The following IQCJ variants were observed in gnomAD, a reference collection of about 807,000 sequenced individuals.
IQCJ encodes the protein IQ domain-containing protein J.
IQCJ carries 9 observed loss-of-function variants against 11.0 expected under a neutral mutation model. That is an observed-to-expected ratio of 0.82 (90% CI 0.49 to 1.43). IQCJ has a LOEUF of 1.43. Ranked by LOEUF, IQCJ falls within the 40% of genes most tolerant of loss-of-function variation. The pLI, the probability that IQCJ is intolerant of heterozygous loss-of-function variation, is 0.00. For missense variants in IQCJ, 146 were observed against 133.2 expected (o/e 1.10, Z -0.47); for synonymous variants, 55 against 51.3 (o/e 1.07, Z -0.31).
intron 1 of IQCJ, among the ~76,000 whole-genome samples, chr3:159,071,055 G>T (rs1262092257): frequency 6.6e-6 from 1 of 151,912 alleles, no homozygotes; most frequent in African/African-American, 2.4e-5. Flanking sequence ...ATTAAGGTCA[G>T]TGTGAAAGCT....
intron 1 of IQCJ, among the ~76,000 whole-genome samples, chr3:159,200,104 A>AATAAATATATATATATATAT (rs1553787480): frequency 1.7e-5 from 2 of 116,954 alleles, no homozygotes; most frequent in African/African-American, 7.6e-5. Context: ...TTTATACATA[A>AATAAATATATATATATATAT]ATATATATAT....
At chr3:159,173,174 G>A (rs1416363387) in intron 1 of IQCJ, among the ~76,000 whole-genome samples, 2 of 152,162 alleles carry the variant, frequency 1.3e-5, no homozygotes, top group Admixed American at 6.5e-5. Context: ...AGCAGACCTT[G>A]AATATCGCAC....
rs187707529 is a variant in IQCJ at position 159,263,090 on chromosome 3, T to C, written c.*359T>C. 100 of 995,144 alleles carry C rather than the reference T, an allele frequency of 1.0e-4. No homozygotes were observed. The Admixed American group carries it at 4.0e-3, about 40-fold the overall frequency. 61.6% of individuals were successfully genotyped at this position (995,144 alleles called of 1,614,324 possible). ...CTTTTACCAGAAGAATTGAAAGTGG[T>C]CACACACTCAGGGGTTGCAACTTAA... On this transcript the variant is annotated 3_prime_UTR_variant, in exon 4 of 4. Transcript: ENST00000397832.
At chr3:159,141,549 C>T (rs1577035799) in intron 1 of IQCJ, among the ~76,000 whole-genome samples, 2 of 152,306 alleles carry the variant, frequency 1.3e-5, no homozygotes, top group East Asian at 3.9e-4. Flanking sequence ...CAGCTTACAT[C>T]ATTTATAATA....
chr3:159,080,507 A>G (rs1716238204), intron 1 of IQCJ, among the ~76,000 whole-genome samples: 1 of 152,176 alleles, frequency 6.6e-6, no homozygotes, highest in Non-Finnish European at 1.5e-5. Flanking sequence ...CCGCTGTCAG[A>G]GTAATTCCTG....
chr3:159,110,133 T>C (rs529115442), intron 1 of IQCJ, among the ~76,000 whole-genome samples: 1 of 152,328 alleles, frequency 6.6e-6, no homozygotes, highest in African/African-American at 2.4e-5. Context: ...AGGTGGACAA[T>C]GTAGGCTTCA....
At chr3:159,254,195 A>C (rs1236999442) in intron 3 of IQCJ, among the ~76,000 whole-genome samples, 1 of 152,200 alleles carries the variant, frequency 6.6e-6, no homozygotes, top group Admixed American at 6.5e-5. Flanking sequence ...GGTGAAAGAA[A>C]AGTTGGTGTA....
chr3:159,257,864 C>T lies in IQCJ; in HGVS notation c.156-4684C>T, dbSNP rs144288401. Among the ~76,000 whole-genome samples the T allele has an allele frequency of 9.7e-3, 1,483 of 152,230 alleles. 15 individuals carry two copies. Among genetic ancestry groups the T allele is most frequent in the African/African-American group, 0.014 (590 of 41,532 alleles). ...TCTCTATTTCTGCCTTTTGCTGAAC[C>T]GTAAGGAGGGAACAAACGTAATGGG... On this transcript the variant is annotated intron_variant, in intron 3 of 3. Coordinates refer to ENST00000397832, the MANE Select transcript of IQCJ (RefSeq NM_001042706.3).
intron 1 of IQCJ, among the ~76,000 whole-genome samples, chr3:159,174,017 G>A (rs1391491569): frequency 6.6e-6 from 1 of 151,936 alleles, no homozygotes; most frequent in Non-Finnish European, 1.5e-5. Flanking sequence ...TGATCTGAGA[G>A]TTTCTCAGTT....
chr3:159,127,653 AT>A, intron 1 of IQCJ, among the ~76,000 whole-genome samples: 1 of 152,354 alleles, frequency 6.6e-6, no homozygotes, highest in Non-Finnish European at 1.5e-5. Context: ...AGCATAGTGC[AT>A]TTAGTCGTGT....
At chr3:159,107,593 C>T (rs1718343516) in intron 1 of IQCJ, among the ~76,000 whole-genome samples, 3 of 152,062 alleles carry the variant, frequency 2.0e-5, no homozygotes, top group South Asian at 2.1e-4. Context: ...AACGGTGTGG[C>T]TGAGTCTGAT....
chr3:159,125,802 T>G (rs1719646858), intron 1 of IQCJ, among the ~76,000 whole-genome samples: 1 of 152,224 alleles, frequency 6.6e-6, no homozygotes, highest in South Asian at 2.1e-4. Context: ...AATATGGAAC[T>G]GATTAATGGC....
At chr3:159,175,595 T>C (rs182833986) in intron 1 of IQCJ, among the ~76,000 whole-genome samples, 1 of 152,336 alleles carries the variant, frequency 6.6e-6, no homozygotes, top group Admixed American at 6.5e-5. Flanking sequence ...GCTTGAGTCA[T>C]CAGAGTTTTC....
chr3:159,254,718 C>G (rs1000116231), intron 3 of IQCJ, among the ~76,000 whole-genome samples: 7 of 152,096 alleles, frequency 4.6e-5, no homozygotes, highest in African/African-American at 1.4e-4. Context: ...CCTTCCTTCT[C>G]CCTTCCCTCC....
At chr3:159,205,580 C>A (rs1724612027) in intron 1 of IQCJ, among the ~76,000 whole-genome samples, 1 of 152,168 alleles carries the variant, frequency 6.6e-6, no homozygotes, top group African/African-American at 2.4e-5. Flanking sequence ...GCCCCAACCC[C>A]AATAATATTG....
At chr3:159,130,565 A>G (rs1719932539) in intron 1 of IQCJ, among the ~76,000 whole-genome samples, 1 of 152,248 alleles carries the variant, frequency 6.6e-6, no homozygotes, top group Non-Finnish European at 1.5e-5. Flanking sequence ...AGTGATATCA[A>G]CATCATAAGG....
intron 1 of IQCJ, among the ~76,000 whole-genome samples, chr3:159,203,727 G>A (rs1724487134): frequency 6.6e-6 from 1 of 152,098 alleles, no homozygotes; most frequent in African/African-American, 2.4e-5. Flanking sequence ...CCCTGCTTAT[G>A]AGAGACAGAG....
intron 1 of IQCJ, among the ~76,000 whole-genome samples, chr3:159,208,329 G>A (rs1204758769): frequency 6.6e-6 from 1 of 152,114 alleles, no homozygotes; most frequent in Non-Finnish European, 1.5e-5. Context: ...TCCCTCTGTC[G>A]AGAGAGACCA....
chr3:159,102,872 A>G (rs1718019671), intron 1 of IQCJ, among the ~76,000 whole-genome samples: 1 of 152,236 alleles, frequency 6.6e-6, no homozygotes, highest in African/African-American at 2.4e-5. Flanking sequence ...TTCCCCACTC[A>G]GATGAACCAG....
Sources: gnomAD v4.1 joint callset for allele counts (sites outside exome capture counted in the v4.1 genomes callset) on GRCh38, gnomAD v4.1.1 for gene constraint, MANE v1.5 for transcripts, NCBI Gene and HGNC (gene_info 2026-07-23, HGNC 2026-07-21) for gene names.